CCSER1: variants seen among roughly 807,000 people sequenced by gnomAD.
CCSER1 encodes the protein coiled-coil serine rich protein 1, also known as serine-rich coiled-coil domain-containing protein 1.
A neutral mutation model predicts 82.0 loss-of-function variants in CCSER1; 41 were observed. The ratio of observed to expected loss-of-function variants is 0.50; its 90% confidence interval spans 0.39 to 0.65. The LOEUF (loss-of-function observed/expected upper bound fraction) is 0.65, where lower values mean the gene tolerates loss of function less well. Among genes scored for constraint, CCSER1 ranks in the 30% least tolerant of loss-of-function variants. The pLI is 0.00. For synonymous variants in CCSER1, 414 were observed against 383.9 expected, an observed-to-expected ratio of 1.08 and a Z score of -0.92; for missense variants, 1,119 against 1,064.2, an observed-to-expected ratio of 1.05 and a Z score of -0.72.
intron 6 of CCSER1, chr4:90,664,066 G>C (rs1190788463): frequency 6.2e-6 from 1 of 161,852 alleles, no homozygotes; most frequent in Non-Finnish European, 1.4e-5. Flanking sequence ...TAGTTTACAA[G>C]ATATTTTATA....
chr4:91,252,059 A>G (rs1224724238), intron 10 of CCSER1, among the ~76,000 whole-genome samples: 1 of 152,202 alleles, frequency 6.6e-6, no homozygotes, highest in Admixed American at 6.5e-5. Flanking sequence ...GAAGACAGAC[A>G]AAATCTTGAA....
chr4:90,830,702 A>AC (rs1409124378), intron 8 of CCSER1, among the ~76,000 whole-genome samples: 46 of 152,284 alleles, frequency 3.0e-4, no homozygotes, highest in Non-Finnish European at 1.3e-4. Flanking sequence ...AGACAAGATG[A>AC]ACTTGAATCA....
At chr4:90,763,012 A>G (rs1310299835) in intron 7 of CCSER1, among the ~76,000 whole-genome samples, 2 of 152,054 alleles carry the variant, frequency 1.3e-5, no homozygotes, top group Non-Finnish European at 2.9e-5. Context: ...AGTGATCAGA[A>G]CCTCAAGGAG....
At chr4:90,735,980 G>A (rs866803830) in intron 7 of CCSER1, among the ~76,000 whole-genome samples, 2 of 151,998 alleles carry the variant, frequency 1.3e-5, no homozygotes, top group South Asian at 4.1e-4. Flanking sequence ...TCACTCAGAA[G>A]CATATTGTTT....
chr4:90,658,268 C>G (rs1711512606), intron 6 of CCSER1, among the ~76,000 whole-genome samples: 1 of 152,100 alleles, frequency 6.6e-6, no homozygotes, highest in South Asian at 2.1e-4. Context: ...GAGGCTCTAA[C>G]ATTATTAACT....
chr4:91,438,977 T>A (rs897505906), intron 10 of CCSER1, among the ~76,000 whole-genome samples: 1 of 152,190 alleles, frequency 6.6e-6, no homozygotes, highest in African/African-American at 2.4e-5. Flanking sequence ...AATATGGGAC[T>A]ATGTGAAAGG....
chr4:90,210,517 G>A (rs1739779222), intron 1 of CCSER1, among the ~76,000 whole-genome samples: 1 of 149,354 alleles, frequency 6.7e-6, no homozygotes, highest in African/African-American at 2.5e-5. Context: ...AATCACAACT[G>A]AGTACAGCCT....
At chr4:90,771,167 T>C (rs1752099285) in intron 7 of CCSER1, among the ~76,000 whole-genome samples, 1 of 152,124 alleles carries the variant, frequency 6.6e-6, no homozygotes, top group Non-Finnish European at 1.5e-5. Flanking sequence ...TCTGCGAATA[T>C]TTACATAAAT....
chr4:90,226,610 C>T (rs1176250054), intron 1 of CCSER1, among the ~76,000 whole-genome samples: 1 of 152,182 alleles, frequency 6.6e-6, no homozygotes, highest in East Asian at 1.9e-4. Context: ...TGTTGAGAAT[C>T]CACATATGAA....
intron 9 of CCSER1, among the ~76,000 whole-genome samples, chr4:90,963,247 A>T (rs1056864216): frequency 2.0e-5 from 3 of 152,308 alleles, no homozygotes; most frequent in Middle Eastern, 6.8e-3. Context: ...CATCTATTGA[A>T]TAGCATCTTG....
At chr4:90,767,689 T>TA (rs1256462004) in intron 7 of CCSER1, among the ~76,000 whole-genome samples, 1 of 151,774 alleles carries the variant, frequency 6.6e-6, no homozygotes, top group African/African-American at 2.4e-5. Context: ...AATTTTTTTT[T>TA]AAAGGGTCTC....
Position 91,215,858 on chromosome 4 carries a change from T to TA in CCSER1, c.2217+129870dup, listed in dbSNP as rs1180995262. Among the ~76,000 whole-genome samples the TA allele has an allele frequency of 4.6e-5, 7 of 152,270 alleles. No homozygotes were observed. In the South Asian group the frequency reaches 1.2e-3, roughly 27 times the overall value. On this transcript the variant is annotated intron_variant, in intron 10 of 10. Coordinates refer to ENST00000509176, the MANE Select transcript of CCSER1 (RefSeq NM_001145065.2). Reference sequence around the variant, plus strand: ...GCTATTATTAAAATCCAATGATAAGTAAAAAACAGGATTTTTGTGTGTGTG... The same window carrying TA: ...GCTATTATTAAAATCCAATGATAAGTAAAAAAACAGGATTTTTGTGTGTGTG...
rs545281238 is a variant in CCSER1 at position 91,277,779 on chromosome 4, G to A, written c.2217+191785G>A. Among the ~76,000 whole-genome samples, 14 of 151,522 alleles carry A rather than the reference G, an allele frequency of 9.2e-5. No homozygotes were observed. In the East Asian group the frequency reaches 1.6e-3, roughly 17 times the overall value. ...AATTTCTTGAGGTGCATCATTGCATGCTTAGAAATCTTTCTATTTTTTTGA... is the reference window on the plus strand; with the variant it reads ...AATTTCTTGAGGTGCATCATTGCATACTTAGAAATCTTTCTATTTTTTTGA... On this transcript the variant is annotated intron_variant, in intron 10 of 10. Coordinates refer to ENST00000509176, the MANE Select transcript of CCSER1 (RefSeq NM_001145065.2).
At chr4:90,780,574 C>G in intron 7 of CCSER1, 7 of 1,524,158 alleles carry the variant, frequency 4.6e-6, no homozygotes, top group Non-Finnish European at 6.1e-6. Context: ...TCTTTCCATC[C>G]AGTTCTCTAG....
At chr4:90,585,237 G>A (rs941216570) in intron 5 of CCSER1, among the ~76,000 whole-genome samples, 4 of 152,184 alleles carry the variant, frequency 2.6e-5, no homozygotes, top group South Asian at 2.1e-4. Context: ...TTAAGTGCTG[G>A]TGAGAATGTG....
intron 9 of CCSER1, among the ~76,000 whole-genome samples, chr4:91,043,947 G>C (rs552939940): frequency 6.6e-6 from 1 of 152,132 alleles, no homozygotes; most frequent in East Asian, 1.9e-4. Context: ...TTAAAGTTCT[G>C]GGGAAATATT....
chr4:91,399,144 A>G (rs992374070), intron 10 of CCSER1, among the ~76,000 whole-genome samples: 13 of 151,938 alleles, frequency 8.6e-5, no homozygotes, highest in Admixed American at 1.3e-4. Flanking sequence ...AGAGCATGGC[A>G]CACTGACAAG....
chr4:90,599,407 A>G (rs1579383569), intron 5 of CCSER1, among the ~76,000 whole-genome samples: 1 of 151,640 alleles, frequency 6.6e-6, no homozygotes, highest in Non-Finnish European at 1.5e-5. Flanking sequence ...CTTCCCCTTC[A>G]CCTTCTGCTA....
intron 4 of CCSER1, among the ~76,000 whole-genome samples, chr4:90,442,879 T>A (rs1165574729): frequency 6.6e-6 from 1 of 152,110 alleles, no homozygotes; most frequent in Non-Finnish European, 1.5e-5. Context: ...TTGGTCTAGT[T>A]AAGTGGTATT....
Sources: allele counts gnomAD v4.1 joint callset (sites outside exome capture counted in the v4.1 genomes callset), GRCh38; gene constraint gnomAD v4.1.1; transcripts MANE v1.5; gene names NCBI Gene and HGNC (gene_info 2026-07-23, HGNC 2026-07-21).